The following ROBO1 variants were observed in gnomAD, a reference collection of about 807,000 sequenced individuals.
ROBO1 encodes roundabout guidance receptor 1.
In ROBO1, 149 loss-of-function variants were observed where a neutral mutation model predicts 195.9. The observed-to-expected ratio is 0.76, with a 90% CI of 0.67 to 0.87. The LOEUF (loss-of-function observed/expected upper bound fraction) is 0.87. Among genes scored for constraint, ROBO1 ranks in the 40% least tolerant of loss-of-function variants. The pLI is 0.00. For missense variants in ROBO1, 1,933 were observed against 2,068.3 expected (o/e 0.93, Z 1.27); for synonymous variants, 816 against 733.2 (o/e 1.11, Z -1.82).
intron 2 of ROBO1, among the ~76,000 whole-genome samples, chr3:79,362,464 G>A (rs533951603): frequency 6.6e-6 from 1 of 152,216 alleles, no homozygotes; most frequent in South Asian, 2.1e-4. Flanking sequence ...TTTATAAAAG[G>A]ACCTATAATT....
At chr3:79,099,430 C>T (rs1203079510) in intron 3 of ROBO1, among the ~76,000 whole-genome samples, 1 of 151,538 alleles carries the variant, frequency 6.6e-6, no homozygotes, top group Admixed American at 6.6e-5. Context: ...AAAATAAGAC[C>T]TTTTGGAGCA....
intron 3 of ROBO1, among the ~76,000 whole-genome samples, chr3:79,053,598 C>A (rs192349878): frequency 2.6e-5 from 4 of 152,040 alleles, no homozygotes; most frequent in East Asian, 2.0e-4. Context: ...ATCCATTCAG[C>A]CTGCTTCTCT....
chr3:79,428,736 G>T (rs1470350210), intron 2 of ROBO1, among the ~76,000 whole-genome samples: 1 of 152,080 alleles, frequency 6.6e-6, no homozygotes, highest in Non-Finnish European at 1.5e-5. Flanking sequence ...CCACCGAATG[G>T]TGAGTAGATG....
chr3:78,951,059 T>G (rs2040750908), intron 3 of ROBO1, among the ~76,000 whole-genome samples: 2 of 151,672 alleles, frequency 1.3e-5, no homozygotes, highest in African/African-American at 2.4e-5. Context: ...GTATGTTATA[T>G]ATCATATATA....
At chr3:78,878,559 G>A (rs2035987174) in intron 4 of ROBO1, among the ~76,000 whole-genome samples, 1 of 142,516 alleles carries the variant, frequency 7.0e-6, no homozygotes, top group South Asian at 2.2e-4. Context: ...ACTCCAGCCT[G>A]GGCAAAAGAG....
chr3:78,647,513 C>T (rs1461877959), intron 20 of ROBO1, 116 bp downstream of exon 20: 4 of 971,628 alleles, frequency 4.1e-6, no homozygotes, highest in Non-Finnish European at 6.7e-6. Flanking sequence ...TATTACATTC[C>T]ACTTTAAGTT....
chr3:78,910,667 A>T (rs1005606155), intron 4 of ROBO1, among the ~76,000 whole-genome samples: 5 of 151,908 alleles, frequency 3.3e-5, no homozygotes, highest in African/African-American at 9.7e-5. Context: ...TACATAAATG[A>T]CCCTCTCAAG....
intron 2 of ROBO1, among the ~76,000 whole-genome samples, chr3:79,509,161 T>G (rs1940564573): frequency 2.0e-5 from 3 of 152,224 alleles, no homozygotes; most frequent in Admixed American, 6.5e-5. Flanking sequence ...AGATCTATTA[T>G]GTACCTAAAG....
chr3:79,534,347 G>A lies in ROBO1; in HGVS notation c.88+55477C>T, dbSNP rs4270471. On this transcript the variant is annotated intron_variant, in intron 2 of 30. Coordinates refer to ENST00000464233, the MANE Select transcript of ROBO1 (RefSeq NM_002941.4). ...TACTACTGAAATAGAAAACGAATAT[G>A]CGACCATTTCTATGTAGAGAGCATA... Among the ~76,000 whole-genome samples the A allele has an allele frequency of 3.5e-4, 53 of 151,662 alleles. 1 individual carries two copies. In the South Asian group the frequency reaches 7.5e-3, roughly 21 times the overall value.
At chr3:79,379,865 A>C (rs146895818) in intron 2 of ROBO1, among the ~76,000 whole-genome samples, 2 of 152,330 alleles carry the variant, frequency 1.3e-5, no homozygotes, top group African/African-American at 4.8e-5. Context: ...CCAGAGCACC[A>C]GGGGTGAGTT....
At chr3:78,733,941 A>G (rs750649663) in intron 5 of ROBO1, among the ~76,000 whole-genome samples, 1 of 152,224 alleles carries the variant, frequency 6.6e-6, no homozygotes, top group Non-Finnish European at 1.5e-5. Context: ...AACCTAATCC[A>G]AAATTCCTAT....
intron 2 of ROBO1, among the ~76,000 whole-genome samples, chr3:79,212,189 G>T (rs1392574212): frequency 2.6e-5 from 4 of 152,160 alleles, no homozygotes; most frequent in African/African-American, 9.6e-5. Flanking sequence ...ACTTCAGCGT[G>T]GGCGTCATGG....
At chr3:78,786,166 C>G (rs2083827759) in intron 4 of ROBO1, among the ~76,000 whole-genome samples, 1 of 152,166 alleles carries the variant, frequency 6.6e-6, no homozygotes, top group Non-Finnish European at 1.5e-5. Flanking sequence ...CTCTGCTACA[C>G]TTTTATCCTT....
At chr3:79,686,424 T>G (rs1381180791) in intron 1 of ROBO1, among the ~76,000 whole-genome samples, 1 of 152,098 alleles carries the variant, frequency 6.6e-6, no homozygotes, top group Non-Finnish European at 1.5e-5. Context: ...AAAGAGGAAG[T>G]CAAATTGTCC....
chr3:78,926,917 C>T (rs934360680), intron 4 of ROBO1, among the ~76,000 whole-genome samples: 17 of 151,876 alleles, frequency 1.1e-4, no homozygotes, highest in Non-Finnish European at 2.1e-4. Flanking sequence ...GTCCTAACTT[C>T]GGTTACATGA....
intron 3 of ROBO1, among the ~76,000 whole-genome samples, chr3:78,957,267 C>G (rs959295577): frequency 2.0e-5 from 3 of 148,170 alleles, no homozygotes; most frequent in Non-Finnish European, 3.0e-5. Context: ...CATGCTGCAC[C>G]AGGTCTGCAC....
At chr3:79,521,473 T>G (rs1172770795) in intron 2 of ROBO1, among the ~76,000 whole-genome samples, 1 of 152,148 alleles carries the variant, frequency 6.6e-6, no homozygotes, top group Non-Finnish European at 1.5e-5. Flanking sequence ...AATCACTGGT[T>G]ACTTCCGACA....
In ROBO1 at chr3:78,606,992, G is replaced by A. The variant is rs771679178; in HGVS notation, c.4485C>T (p.Ala1495=). Residue 1495 remains alanine, a synonymous_variant, in exon 29 of 31, where the codon GCC becomes GCT. Transcript: ENST00000464233. Reference sequence around the variant, plus strand: ...GTACTTCCAGCTGTGTCTTGGATTGGGCAGTAGGTGACTTTATAGCAGGTG... The same window carrying A: ...GTACTTCCAGCTGTGTCTTGGATTGAGCAGTAGGTGACTTTATAGCAGGTG... ...VPPPAIKSPT[A]QSKTQLEVRP... is the part of the protein sequence containing the mutation. 1.9e-6 allele frequency: 3 copies of A among 1,613,730 alleles called. No individual in the cohort carries two copies. The highest frequency in any genetic ancestry group is 2.5e-6 in the Non-Finnish European group (3 of 1,179,846).
chr3:79,570,672 A>G (rs968200901), intron 2 of ROBO1, among the ~76,000 whole-genome samples: 2 of 152,204 alleles, frequency 1.3e-5, no homozygotes, highest in African/African-American at 4.8e-5. Context: ...AAATGTGATT[A>G]CAGGATAATA....
Sources: gnomAD v4.1 joint callset for allele counts (sites outside exome capture counted in the v4.1 genomes callset) on GRCh38, gnomAD v4.1.1 for gene constraint, MANE v1.5 for transcripts, NCBI Gene and HGNC (gene_info 2026-07-23, HGNC 2026-07-21) for gene names.